CALN1: variants seen among roughly 807,000 people sequenced by gnomAD.
The protein encoded by CALN1 is calcium-binding protein 8.
In CALN1, 17 loss-of-function variants were observed where a neutral mutation model predicts 30.6. The observed-to-expected ratio is 0.56, with a 90% CI of 0.38 to 0.83. The LOEUF is 0.83. Ranked by LOEUF, CALN1 falls within the 40% of genes least tolerant of loss-of-function variation. The probability of loss-of-function intolerance (pLI) is 0.00; values close to 1 mark genes in which losing one functional copy is unlikely to be tolerated. For missense variants in CALN1, 291 were observed against 354.9 expected (o/e 0.82, Z 1.45); for synonymous variants, 156 against 131.4 (o/e 1.19, Z -1.28).
chr7:72,243,295 C>T (rs1034411810), intron 3 of CALN1, among the ~76,000 whole-genome samples: 23 of 152,288 alleles, frequency 1.5e-4, no homozygotes, highest in African/African-American at 5.1e-4. Flanking sequence ...AATCAGCTGC[C>T]GTCTTTAATC....
At chr7:72,241,543 C>A (rs2129551350) in intron 3 of CALN1, among the ~76,000 whole-genome samples, 1 of 152,128 alleles carries the variant, frequency 6.6e-6, no homozygotes, top group South Asian at 2.1e-4. Flanking sequence ...CCTGTCTCTA[C>A]TAAAAATACA....
chr7:72,454,446 A>C, the CALN1 span, among the ~76,000 whole-genome samples: 3 of 152,222 alleles, frequency 2.0e-5, no homozygotes, highest in Non-Finnish European at 4.4e-5. Context: ...CTGCAAAAAA[A>C]CAGGAAGATC....
intron 1 of CALN1, among the ~76,000 whole-genome samples, chr7:72,445,793 A>G (rs1276226874): frequency 2.0e-5 from 3 of 152,004 alleles, no homozygotes; most frequent in African/African-American, 7.3e-5. Flanking sequence ...TGGCTGGGGG[A>G]TTGCAAAGGG....
At chr7:72,459,923 G>A in the CALN1 span, among the ~76,000 whole-genome samples, 1 of 152,108 alleles carries the variant, frequency 6.6e-6, no homozygotes, top group Non-Finnish European at 1.5e-5. Context: ...CTTGGGGCTG[G>A]GTAATTTATA....
chr7:72,389,067 G>A (rs530973154), intron 2 of CALN1, among the ~76,000 whole-genome samples: 1 of 152,284 alleles, frequency 6.6e-6, no homozygotes, highest in Non-Finnish European at 1.5e-5. Context: ...TATTGAGTGA[G>A]ACTCAGGAAA....
intron 3 of CALN1, among the ~76,000 whole-genome samples, chr7:72,119,299 G>C (rs997265226): frequency 6.7e-6 from 1 of 150,212 alleles, no homozygotes. Context: ...TGGCAGAAAA[G>C]AGAAGAGAGA....
chr7:72,269,210 T>G (rs991101683), intron 3 of CALN1, among the ~76,000 whole-genome samples: 1 of 152,050 alleles, frequency 6.6e-6, no homozygotes, highest in Non-Finnish European at 1.5e-5. Context: ...GGTGAGATTT[T>G]ATTTTATTTT....
chr7:72,210,172 C>T (rs1217944233), intron 3 of CALN1, among the ~76,000 whole-genome samples: 2 of 152,106 alleles, frequency 1.3e-5, no homozygotes, highest in Admixed American at 1.3e-4. Flanking sequence ...CCATCCACCT[C>T]CTGCCTCCTA....
At chr7:72,278,831 G>C (rs1001868998) in intron 2 of CALN1, 21 bp from the exon 3 acceptor site, 3 of 1,593,532 alleles carry the variant, frequency 1.9e-6, no homozygotes, top group African/African-American at 1.3e-5. Context: ...GAGAACAGGG[G>C]AGGGGAAAAG....
At chr7:71,994,490 C>A (rs977299520) in intron 5 of CALN1, among the ~76,000 whole-genome samples, 1 of 125,826 alleles carries the variant, frequency 7.9e-6, no homozygotes, top group Non-Finnish European at 1.5e-5. Flanking sequence ...CCACCCTGGG[C>A]GACAGAGCAA....
intron 5 of CALN1, among the ~76,000 whole-genome samples, chr7:71,843,993 C>T (rs990737877): frequency 2.0e-5 from 3 of 151,934 alleles, no homozygotes; most frequent in East Asian, 1.9e-4. Context: ...GAATTGATCT[C>T]GGTGACTTTT....
In CALN1 at chr7:72,395,503, A is replaced by AG. The variant is rs550557238; in HGVS notation, c.119+7747dup. On this transcript the variant is annotated intron_variant, in intron 2 of 6. Coordinates refer to ENST00000395275, the MANE Select transcript of CALN1 (RefSeq NM_031468.4). ...TTGATACTCTCCAAGAGGCAGATAC[A>AG]GTATGGAGTATCATCCGAATTTTAC... is the stretch of plus-strand genomic sequence containing the variant. 1.7e-4 allele frequency among the ~76,000 whole-genome samples: 26 copies of AG among 152,376 alleles called. No individual in the cohort carries two copies. The East Asian group carries it at 4.6e-3, about 27-fold the overall frequency.
intron 3 of CALN1, among the ~76,000 whole-genome samples, chr7:72,172,135 G>C (rs896824706): frequency 5.3e-5 from 8 of 152,232 alleles, no homozygotes; most frequent in African/African-American, 1.9e-4. Context: ...GCCTGATTGT[G>C]ACTAAGCAAG....
At chr7:71,939,749 A>T (rs950565560) in intron 5 of CALN1, among the ~76,000 whole-genome samples, 4 of 152,138 alleles carry the variant, frequency 2.6e-5, no homozygotes, top group Non-Finnish European at 5.9e-5. Flanking sequence ...ATATCAACTA[A>T]GACAGACCCT....
the CALN1 span, among the ~76,000 whole-genome samples, chr7:72,496,116 T>C: frequency 2.0e-5 from 3 of 152,136 alleles, no homozygotes; most frequent in Admixed American, 2.0e-4. Context: ...GAAACGGGTT[T>C]TTGCCATGTT....
intron 3 of CALN1, among the ~76,000 whole-genome samples, chr7:72,188,080 T>G (rs1157480800): frequency 6.6e-6 from 1 of 152,148 alleles, no homozygotes; most frequent in Non-Finnish European, 1.5e-5. Flanking sequence ...CTTAAAGAAC[T>G]GAACGTAAAA....
chr7:71,842,693 T>C (rs1169167129), intron 5 of CALN1, among the ~76,000 whole-genome samples: 1 of 152,196 alleles, frequency 6.6e-6, no homozygotes, highest in Non-Finnish European at 1.5e-5. Flanking sequence ...CTAATACACT[T>C]AGTGAGGCAA....
chr7:72,027,041 C>T (rs534076746), intron 4 of CALN1, among the ~76,000 whole-genome samples: 1 of 152,272 alleles, frequency 6.6e-6, no homozygotes, highest in East Asian at 1.9e-4. Flanking sequence ...ACAGTATCAC[C>T]CACAATGGGG....
intron 3 of CALN1, among the ~76,000 whole-genome samples, chr7:72,218,405 G>T (rs1793011311): frequency 1.3e-5 from 2 of 151,986 alleles, no homozygotes; most frequent in South Asian, 4.2e-4. Context: ...CTGAGATCGT[G>T]CCACTGCACT....
Sources: gnomAD v4.1 joint callset for allele counts (sites outside exome capture counted in the v4.1 genomes callset) on GRCh38, gnomAD v4.1.1 for gene constraint, MANE v1.5 for transcripts, NCBI Gene and HGNC (gene_info 2026-07-23, HGNC 2026-07-21) for gene names.